The following GREB1 variants were observed in gnomAD, a reference collection of about 807,000 sequenced individuals.
GREB1 encodes growth regulating estrogen receptor binding 1.
GREB1 carries 106 observed loss-of-function variants against 200.7 expected under a neutral mutation model. The observed-to-expected ratio is 0.53, with a 90% CI of 0.45 to 0.62. The LOEUF (loss-of-function observed/expected upper bound fraction) is 0.62. Ranked by LOEUF, GREB1 falls within the 20% of genes least tolerant of loss-of-function variation. The pLI, the probability that GREB1 is intolerant of heterozygous loss-of-function variation, is 0.00. For missense variants in GREB1, 2,243 were observed against 2,556.8 expected (o/e 0.88, Z 2.65); for synonymous variants, 1,132 against 1,092.4 (o/e 1.04, Z -0.72).
chr2:11,503,746 G>A (rs908597178), intron 1 of GREB1, among the ~76,000 whole-genome samples: 2 of 152,142 alleles, frequency 1.3e-5, no homozygotes, highest in African/African-American at 4.8e-5. Flanking sequence ...TGATGAGATT[G>A]CTCACGTCTG....
intron 1 of GREB1, among the ~76,000 whole-genome samples, chr2:11,520,332 C>G (rs922662465): frequency 3.3e-5 from 5 of 152,198 alleles, no homozygotes; most frequent in African/African-American, 1.2e-4. Context: ...TATCTATCTT[C>G]CAGTTCTGGA....
In GREB1 at chr2:11,617,828, T is replaced by C. The variant is rs1320187256; in HGVS notation, c.3413-460T>C. On this transcript the variant is annotated intron_variant, in intron 21 of 32. Coordinates refer to ENST00000381486, the MANE Select transcript of GREB1 (RefSeq NM_014668.4). ...CAGAGGTCAGGGCCCACCAGGAGAC[T>C]GGCTAGGGGGCATCTGGGGCCGCCC... Among the ~76,000 whole-genome samples, 3 of 152,124 alleles carry C rather than the reference T, an allele frequency of 2.0e-5. 1 individual carries two copies. The highest frequency in any genetic ancestry group is 7.2e-5 in the African/African-American group (3 of 41,420).
At chr2:11,614,651 C>T (rs1683235374) in intron 19 of GREB1, among the ~76,000 whole-genome samples, 1 of 151,904 alleles carries the variant, frequency 6.6e-6, no homozygotes, top group Non-Finnish European at 1.5e-5. Context: ...GCAAGCTCTG[C>T]CTCCCGGGTT....
intron 1 of GREB1, among the ~76,000 whole-genome samples, chr2:11,543,316 T>C (rs1209874247): frequency 6.6e-6 from 1 of 152,224 alleles, no homozygotes; most frequent in African/African-American, 2.4e-5. Context: ...AGACTTAAAA[T>C]TAAGTCTTTA....
At chr2:11,538,910 C>CCTTCCCCCTCACCTCCCCTCCTGT in intron 1 of GREB1, among the ~76,000 whole-genome samples, 1 of 20,304 alleles carries the variant, frequency 4.9e-5, no homozygotes, top group Non-Finnish European at 1.5e-4. Flanking sequence ...TTCCTTCCTT[C>CCTTCCCCCTCACCTCCCCTCCTGT]CCCCTCCCCT....
intron 9 of GREB1, chr2:11,588,156 GA>G: frequency 2.1e-6 from 1 of 470,852 alleles, no homozygotes; most frequent in Non-Finnish European, 2.8e-6. Flanking sequence ...TTGAACTTGG[GA>G]GGCAGAGGTT....
chr2:11,614,088 C>T (rs1683172490), intron 19 of GREB1, among the ~76,000 whole-genome samples: 1 of 151,572 alleles, frequency 6.6e-6, no homozygotes, highest in Admixed American at 6.6e-5. Context: ...ATTAAATGCT[C>T]ACTGATTACA....
At chr2:11,545,076 A>G (rs773640719) in intron 1 of GREB1, among the ~76,000 whole-genome samples, 2 of 151,660 alleles carry the variant, frequency 1.3e-5, no homozygotes, top group Non-Finnish European at 1.5e-5. Context: ...CGGCCTCACA[A>G]AGTGTTGGGA....
At chr2:11,524,722 C>G (rs1572590044) in intron 1 of GREB1, among the ~76,000 whole-genome samples, 1 of 152,302 alleles carries the variant, frequency 6.6e-6, no homozygotes, top group Non-Finnish European at 1.5e-5. Context: ...TGCATGGATG[C>G]TGGAGTCTGT....
intron 3 of GREB1, among the ~76,000 whole-genome samples, chr2:11,563,992 G>A (rs1677359087): frequency 6.6e-6 from 1 of 152,146 alleles, no homozygotes; most frequent in African/African-American, 2.4e-5. Context: ...TGGAGGAGGT[G>A]GCCCTTTGGG....
chr2:11,578,533 CAG>C lies in GREB1; in HGVS notation c.772+103_772+104del, dbSNP rs373426848. The C allele has an allele frequency of 1.5e-5, 18 of 1,229,794 alleles. No homozygotes were observed. The African/African-American group carries it at 2.2e-4, about 15-fold the overall frequency. The allele number at this position is 1,229,794 out of a possible 1,614,324, so 76.2% of individuals were successfully genotyped here. ...CCGTCAAGCATTCTTCAAAATAAAT[CAG>C]GGGGCTGTTATCTTTTTCTATAACA... On this transcript the variant is annotated intron_variant, in intron 6 of 32. Coordinates refer to ENST00000381486, the MANE Select transcript of GREB1 (RefSeq NM_014668.4).
At position 11,587,645 on chromosome 2, in the gene GREB1, T is replaced by C. The variant is rs530291062; in HGVS notation, c.1160-1101T>C. The C allele has an allele frequency of 2.2e-6, 3 of 1,392,302 alleles. No individual in the cohort carries two copies. In the African/African-American group the frequency reaches 4.4e-5, roughly 21 times the overall value. The allele number at this position is 1,392,302 out of a possible 1,614,324, so 86.2% of individuals were successfully genotyped here. A position where few individuals can be genotyped will look rare whatever the true frequency, so the allele number is the denominator to read the frequency against. On this transcript the variant is annotated intron_variant, in intron 9 of 32. Coordinates refer to ENST00000381486, the MANE Select transcript of GREB1 (RefSeq NM_014668.4). ...ATCTGCATATAACACACAGCCGAAG[T>C]CAGAAAATATATTTTTGGTGACTAA...
chr2:11,552,763 G>A (rs1676001121), intron 1 of GREB1, among the ~76,000 whole-genome samples: 1 of 152,092 alleles, frequency 6.6e-6, no homozygotes. Flanking sequence ...TGTAATCCCA[G>A]CACTTTGGGA....
intron 15 of GREB1, among the ~76,000 whole-genome samples, chr2:11,600,039 C>A (rs1401112305): frequency 6.6e-6 from 1 of 152,170 alleles, no homozygotes; most frequent in East Asian, 1.9e-4. Context: ...GTGGAGAAAG[C>A]CTTTGATTGT....
intron 24 of GREB1, among the ~76,000 whole-genome samples, chr2:11,625,776 G>A (rs763701715): frequency 5.3e-5 from 8 of 152,140 alleles, no homozygotes; most frequent in East Asian, 3.9e-4. Context: ...GGTAAATGCC[G>A]TGAGAAAGGA....
At chr2:11,502,826 T>C (rs542941669) in intron 1 of GREB1, among the ~76,000 whole-genome samples, 26 of 152,362 alleles carry the variant, frequency 1.7e-4, no homozygotes, top group African/African-American at 6.3e-4. Context: ...TTACATCATT[T>C]AACTGTGTTA....
intron 2 of GREB1, among the ~76,000 whole-genome samples, chr2:11,560,550 A>G (rs897478757): frequency 6.6e-6 from 1 of 152,002 alleles, no homozygotes; most frequent in Non-Finnish European, 1.5e-5. Context: ...AAAATACAAA[A>G]ATTCGTTGGG....
intron 1 of GREB1, among the ~76,000 whole-genome samples, chr2:11,513,920 C>T (rs992488199): frequency 6.6e-6 from 1 of 152,160 alleles, no homozygotes; most frequent in Non-Finnish European, 1.5e-5. Context: ...AGGTACTGAG[C>T]TAGGCTTCCG....
chr2:11,489,605 C>T (rs1205476691), intron 1 of GREB1, among the ~76,000 whole-genome samples: 1 of 152,150 alleles, frequency 6.6e-6, no homozygotes, highest in African/African-American at 2.4e-5. Context: ...GTCTTAGACT[C>T]CGGCAGAGAA....
Sources: allele counts gnomAD v4.1 joint callset (sites outside exome capture counted in the v4.1 genomes callset), GRCh38; gene constraint gnomAD v4.1.1; transcripts MANE v1.5; gene names NCBI Gene and HGNC (gene_info 2026-07-23, HGNC 2026-07-21).